The following SLIT3 variants were observed in gnomAD, a reference collection of about 807,000 sequenced individuals.
The protein encoded by SLIT3 is slit guidance ligand 3.
A neutral mutation model predicts 184.0 loss-of-function variants in SLIT3; 68 were observed. The ratio of observed to expected loss-of-function variants is 0.37; its 90% CI spans 0.30 to 0.45. The LOEUF is 0.45. SLIT3 is among the 20% of genes least tolerant of loss of function. The pLI is 1.00. For synonymous variants in SLIT3, 831 were observed against 828.6 expected, an observed-to-expected ratio of 1.00 and a Z score of -0.05; for missense variants, 1,707 against 2,026.0, an observed-to-expected ratio of 0.84 and a Z score of 3.02.
intron 5 of SLIT3, among the ~76,000 whole-genome samples, chr5:168,856,806 TGC>T (rs61149576): frequency 0.013 from 1,790 of 137,714 alleles, 21 homozygotes; most frequent in Middle Eastern, 0.027. Flanking sequence ...TGTGTGTGTG[TGC>T]GCGCGCGCGC....
intron 4 of SLIT3, among the ~76,000 whole-genome samples, chr5:169,078,014 G>A (rs555282747): frequency 3.9e-5 from 6 of 152,092 alleles, no homozygotes; most frequent in African/African-American, 1.4e-4. Flanking sequence ...TCAAGATTCA[G>A]CTTGAGTCTG....
rs371032077 is a variant in SLIT3, at chr5:168,909,796, G to C, written c.414-26460C>G. 7.2e-5 allele frequency among the ~76,000 whole-genome samples: 11 copies of C among 152,290 alleles called. 1 individual carries two copies. Among genetic ancestry groups the C allele is most frequent in the Admixed American group, 2.0e-4 (3 of 15,300 alleles). Reference sequence around the variant, plus strand: ...ACCTGGGTTTCTGGTCTGGGTTTGAGCACGTTTTAAGGGATTGAAGTTCAC... The same window carrying C: ...ACCTGGGTTTCTGGTCTGGGTTTGACCACGTTTTAAGGGATTGAAGTTCAC... On this transcript the variant is annotated intron_variant, in intron 4 of 35. Coordinates refer to ENST00000519560, the MANE Select transcript of SLIT3 (RefSeq NM_003062.4).
intron 4 of SLIT3, among the ~76,000 whole-genome samples, chr5:169,010,559 T>C (rs1756104545): frequency 6.6e-6 from 1 of 152,202 alleles, no homozygotes; most frequent in African/African-American, 2.4e-5. Context: ...AACTCATACC[T>C]GAGTTTGTAA....
chr5:168,992,238 T>C (rs1755355036), intron 4 of SLIT3, among the ~76,000 whole-genome samples: 1 of 152,206 alleles, frequency 6.6e-6, no homozygotes, highest in South Asian at 2.1e-4. Context: ...GGTGAAGGTT[T>C]TTTGAGGTTG....
At chr5:169,046,485 T>C (rs1479266656) in intron 4 of SLIT3, among the ~76,000 whole-genome samples, 1 of 152,192 alleles carries the variant, frequency 6.6e-6, no homozygotes, top group Non-Finnish European at 1.5e-5. Context: ...ACATTCTCTT[T>C]GGATATTTAA....
chr5:168,702,675 C>CGATGATGAT (rs10596363), intron 26 of SLIT3, among the ~76,000 whole-genome samples: 1 of 149,496 alleles, frequency 6.7e-6, no homozygotes, highest in Non-Finnish European at 1.5e-5. Flanking sequence ...TAAATAATAG[C>CGATGATGAT]GATGATGATG....
chr5:168,776,510 G>T (rs1240710130), intron 12 of SLIT3, among the ~76,000 whole-genome samples: 2 of 152,220 alleles, frequency 1.3e-5, no homozygotes, highest in Admixed American at 6.5e-5. Flanking sequence ...AACTGAGGCT[G>T]AGAGTTTGGC....
chr5:168,851,368 C>T (rs1758675328), intron 5 of SLIT3, among the ~76,000 whole-genome samples: 1 of 150,902 alleles, frequency 6.6e-6, no homozygotes. Flanking sequence ...GCAGAGATCC[C>T]ACTTAATTTT....
intron 8 of SLIT3, among the ~76,000 whole-genome samples, chr5:168,810,255 T>C (rs966415582): frequency 6.6e-6 from 1 of 152,196 alleles, no homozygotes; most frequent in African/African-American, 2.4e-5. Context: ...AGGAATCACT[T>C]TCTATATCTC....
At chr5:169,237,114 G>A (rs1765227999) in intron 3 of SLIT3, among the ~76,000 whole-genome samples, 3 of 152,084 alleles carry the variant, frequency 2.0e-5, no homozygotes, top group Admixed American at 1.3e-4. Flanking sequence ...TTTGCCTTTA[G>A]TCTTACAGAC....
At position 168,883,299 on chromosome 5, in the gene SLIT3, T is replaced by C; in HGVS notation, c.451A>G (p.Lys151Glu). ...SENQIQGIPR[K>E]AFRGITDVKN... ...ACATCGGTGATGCCGCGGAACGCCTTCCTCGGGATCCCCTGGATCTGGTTT... is the reference window on the plus strand; with the variant it reads ...ACATCGGTGATGCCGCGGAACGCCTCCCTCGGGATCCCCTGGATCTGGTTT... The change falls in exon 5 of 36, where the codon AAG becomes GAG. Residue 151 changes from lysine (K) to glutamate (E), a missense_variant. By Grantham distance (56) the Lys-to-Glu change is moderately conservative. Coordinates refer to ENST00000519560, the MANE Select transcript of SLIT3 (RefSeq NM_003062.4). 1 of 1,614,094 alleles carries C rather than the reference T, an allele frequency of 6.2e-7. No homozygotes were observed. The highest frequency in any genetic ancestry group is 8.5e-7 in the Non-Finnish European group (1 of 1,179,982).
At chr5:168,890,428 G>C (rs1269422591) in intron 4 of SLIT3, among the ~76,000 whole-genome samples, 1 of 152,136 alleles carries the variant, frequency 6.6e-6, no homozygotes, top group Non-Finnish European at 1.5e-5. Context: ...ATAGTACAAA[G>C]ATATTATCAA....
At chr5:168,733,339 G>A (rs1162402899) in intron 20 of SLIT3, among the ~76,000 whole-genome samples, 2 of 152,120 alleles carry the variant, frequency 1.3e-5, no homozygotes, top group Non-Finnish European at 2.9e-5. Flanking sequence ...TGCTACTGGT[G>A]GGAATGTAAA....
intron 1 of SLIT3, among the ~76,000 whole-genome samples, chr5:169,294,956 A>G (rs1344126286): frequency 6.6e-6 from 1 of 152,234 alleles, no homozygotes; most frequent in East Asian, 1.9e-4. Context: ...AAAAAATGGT[A>G]CATCTGCACA....
At chr5:169,000,069 G>A (rs868483290) in intron 4 of SLIT3, among the ~76,000 whole-genome samples, 1 of 151,812 alleles carries the variant, frequency 6.6e-6, no homozygotes, top group South Asian at 2.1e-4. Flanking sequence ...CATTATTGAC[G>A]ACAAAAAATC....
intron 26 of SLIT3, among the ~76,000 whole-genome samples, chr5:168,704,017 C>T (rs971235282): frequency 6.7e-6 from 1 of 150,018 alleles, no homozygotes; most frequent in Admixed American, 6.6e-5. Context: ...TCTGAGATCG[C>T]ACGAGGAATG....
At position 168,665,059 on chromosome 5, in the gene SLIT3, G is replaced by T. The variant is rs1582502799; in HGVS notation, c.*1395C>A. ...GATTTAAGCCGCCTGAATCACCTGT[G>T]CTCACCCATTCTAGAGGAAGAATCT... On this transcript the variant is annotated 3_prime_UTR_variant, in exon 36 of 36. Coordinates refer to ENST00000519560, the MANE Select transcript of SLIT3 (RefSeq NM_003062.4). 1 of 152,346 alleles carries T rather than the reference G, an allele frequency of 6.6e-6. No individual in the cohort carries two copies. Among genetic ancestry groups the T allele is most frequent in the South Asian group, 2.1e-4 (1 of 4,826 alleles). 9.4% of individuals were successfully genotyped at this position (152,346 alleles called of 1,614,324 possible).
Position 169,300,720 on chromosome 5 carries a change from G to T in SLIT3, c.-11C>A. 7.6e-7 allele frequency: 1 copy of T among 1,315,106 alleles called. No individual in the cohort carries two copies. Among genetic ancestry groups the T allele is most frequent in the Non-Finnish European group, 9.7e-7 (1 of 1,035,820 alleles). The allele number at this position is 1,315,106 out of a possible 1,614,324, so 81.5% of individuals were successfully genotyped here. On this transcript the variant is annotated 5_prime_UTR_variant, in exon 1 of 36. Coordinates refer to ENST00000519560, the MANE Select transcript of SLIT3 (RefSeq NM_003062.4). The surrounding 1 kb of genome is among the most constrained non-coding windows in gnomAD (Gnocchi z 4.1). ...CCACCCGGGGGCCATGGTGTGCAGG[G>T]CCCCGCTCCTGGAGGAGGCTGCCTC...
At chr5:169,140,216 G>A (rs572545715) in intron 4 of SLIT3, among the ~76,000 whole-genome samples, 5 of 148,522 alleles carry the variant, frequency 3.4e-5, no homozygotes, top group Non-Finnish European at 7.4e-5. Context: ...TGTAATCCCA[G>A]CACTTTGGGA....
Sources: allele counts gnomAD v4.1 joint callset (sites outside exome capture counted in the v4.1 genomes callset), GRCh38; gene constraint gnomAD v4.1.1; non-coding constraint Gnocchi (gnomAD v3.1); transcripts MANE v1.5; gene names NCBI Gene and HGNC (gene_info 2026-07-23, HGNC 2026-07-21).